RPH3A: variants seen among roughly 807,000 people sequenced by gnomAD.
RPH3A encodes the protein rabphilin 3A.
RPH3A carries 48 observed loss-of-function variants against 102.2 expected under a neutral mutation model. The observed-to-expected ratio is 0.47, with a 90% confidence interval of 0.37 to 0.60. RPH3A has a LOEUF of 0.60. Ranked by LOEUF, RPH3A falls within the 20% of genes least tolerant of loss-of-function variation. The pLI is 0.00. For synonymous variants in RPH3A, 310 were observed against 324.3 expected (o/e 0.96, Z 0.47); for missense variants, 781 against 910.1 (o/e 0.86, Z 1.83).
intron 2 of RPH3A, among the ~76,000 whole-genome samples, chr12:112,818,308 A>T (rs933138513): frequency 3.2e-5 from 4 of 124,822 alleles, no homozygotes; most frequent in Admixed American, 2.3e-4. Flanking sequence ...CAAGAAGAAT[A>T]AAAAAAAAAA....
At chr12:112,664,007 G>A (rs2040067913) in intron 1 of RPH3A, among the ~76,000 whole-genome samples, 1 of 152,152 alleles carries the variant, frequency 6.6e-6, no homozygotes, top group South Asian at 2.1e-4. Flanking sequence ...GGTTGGGAGT[G>A]GGATGGGGAA....
intron 1 of RPH3A, among the ~76,000 whole-genome samples, chr12:112,631,744 G>A (rs1288615395): frequency 1.3e-5 from 2 of 151,878 alleles, no homozygotes; most frequent in African/African-American, 2.4e-5. Flanking sequence ...GGCTGGTCTC[G>A]AACTTCTGAG....
At chr12:112,653,879 TTTTTA>T (rs1357548138) in intron 1 of RPH3A, among the ~76,000 whole-genome samples, 2 of 152,256 alleles carry the variant, frequency 1.3e-5, no homozygotes, top group African/African-American at 4.8e-5. Flanking sequence ...TTTTAAGAAC[TTTTTA>T]TTTTATTTTT....
chr12:112,668,587 C>T (rs767067998), intron 1 of RPH3A, among the ~76,000 whole-genome samples: 7 of 152,126 alleles, frequency 4.6e-5, no homozygotes, highest in Non-Finnish European at 7.4e-5. Context: ...CATGTTCTCA[C>T]TCATAAGAGG....
intron 1 of RPH3A, among the ~76,000 whole-genome samples, chr12:112,705,214 T>C (rs1222811725): frequency 6.6e-6 from 1 of 152,164 alleles, no homozygotes; most frequent in Non-Finnish European, 1.5e-5. Context: ...GCTCAGAGAT[T>C]GCATGTGTCC....
chr12:112,592,683 C>A (rs7958185), intron 1 of RPH3A, among the ~76,000 whole-genome samples: 3,566 of 152,268 alleles, frequency 0.023, 142 homozygotes, highest in African/African-American at 0.08. Flanking sequence ...GGATGCAGAA[C>A]CTGCAGATAC....
chr12:112,741,239 T>C (rs1288457514), intron 1 of RPH3A, among the ~76,000 whole-genome samples: 1 of 152,068 alleles, frequency 6.6e-6, no homozygotes, highest in African/African-American at 2.4e-5. Context: ...TTCCTTAGCC[T>C]CTCCCACCGT....
At chr12:112,848,410 G>C (rs913412085) in intron 5 of RPH3A, among the ~76,000 whole-genome samples, 4 of 152,204 alleles carry the variant, frequency 2.6e-5, no homozygotes, top group African/African-American at 9.7e-5. Flanking sequence ...TGAGGAAGCA[G>C]AGGTTAACCT....
chr12:112,741,121 A>T (rs1027309025), intron 1 of RPH3A, among the ~76,000 whole-genome samples: 8 of 152,162 alleles, frequency 5.3e-5, no homozygotes, highest in African/African-American at 1.9e-4. Flanking sequence ...ATGTTCTGGC[A>T]ACTTCTGTGT....
chr12:112,692,166 G>T (rs2040311177), intron 1 of RPH3A, among the ~76,000 whole-genome samples: 1 of 152,112 alleles, frequency 6.6e-6, no homozygotes, highest in Non-Finnish European at 1.5e-5. Context: ...ATTAGAGGCT[G>T]GGAAGCGTAG....
chr12:112,706,920 C>T (rs1161314072), intron 1 of RPH3A, among the ~76,000 whole-genome samples: 5 of 152,112 alleles, frequency 3.3e-5, no homozygotes, highest in Admixed American at 1.3e-4. Context: ...TCTGACGAGT[C>T]CCTTGATTTG....
At chr12:112,773,365 C>T (rs1041721248) in intron 1 of RPH3A, among the ~76,000 whole-genome samples, 2 of 151,980 alleles carry the variant, frequency 1.3e-5, no homozygotes, top group Admixed American at 6.6e-5. Flanking sequence ...GAAAAGATCC[C>T]CCCTCCTTTT....
chr12:112,858,266 C>CAAAAA (rs1164602599), intron 5 of RPH3A, among the ~76,000 whole-genome samples: 915 of 44,354 alleles, frequency 0.021, no homozygotes, highest in Middle Eastern at 0.038. Context: ...GACCCTGTCT[C>CAAAAA]AAAAAAAAAA....
At chr12:112,665,119 A>T (rs1004417630) in intron 1 of RPH3A, among the ~76,000 whole-genome samples, 2 of 151,968 alleles carry the variant, frequency 1.3e-5, no homozygotes, top group African/African-American at 4.8e-5. Context: ...TTCCCTTTTC[A>T]TCTCACTTTC....
chr12:112,636,103 C>T (rs543826103), intron 1 of RPH3A, among the ~76,000 whole-genome samples: 2 of 152,288 alleles, frequency 1.3e-5, no homozygotes, highest in South Asian at 4.2e-4. Context: ...TAGAGTGACT[C>T]TACAATGGCC....
intron 5 of RPH3A, among the ~76,000 whole-genome samples, chr12:112,859,135 A>G (rs748990534): frequency 8.5e-5 from 13 of 152,334 alleles, no homozygotes; most frequent in Non-Finnish European, 1.6e-4. Flanking sequence ...CAATGCAGAC[A>G]GGGTCTACTC....
At chr12:112,767,928 A>G (rs1376157474) in intron 1 of RPH3A, among the ~76,000 whole-genome samples, 2 of 152,206 alleles carry the variant, frequency 1.3e-5, no homozygotes, top group African/African-American at 4.8e-5. Flanking sequence ...CCATAGAGAC[A>G]GAAAGTAGAT....
At chr12:112,654,759 TG>T (rs2039998345) in intron 1 of RPH3A, among the ~76,000 whole-genome samples, 1 of 152,210 alleles carries the variant, frequency 6.6e-6, no homozygotes, top group Non-Finnish European at 1.5e-5. Flanking sequence ...TATCCTCAGA[TG>T]GTAGGTCTTA....
At chr12:112,784,789 G>T (rs992334841) in intron 1 of RPH3A, among the ~76,000 whole-genome samples, 2 of 152,216 alleles carry the variant, frequency 1.3e-5, no homozygotes, top group Admixed American at 1.3e-4. Context: ...AGTGTCAGCT[G>T]TTTATTTGTT....
Sources: gnomAD v4.1 joint callset for allele counts (sites outside exome capture counted in the v4.1 genomes callset) on GRCh38, gnomAD v4.1.1 for gene constraint, MANE v1.5 for transcripts, NCBI Gene and HGNC (gene_info 2026-07-23, HGNC 2026-07-21) for gene names.